The following GABRA4 variants were observed in gnomAD, a reference collection of about 807,000 sequenced individuals.
The protein encoded by GABRA4 is gamma-aminobutyric acid receptor subunit alpha-4.
A neutral mutation model predicts 49.7 loss-of-function variants in GABRA4; 12 were observed. The observed-to-expected ratio is 0.24, with a 90% CI of 0.15 to 0.39. The LOEUF (loss-of-function observed/expected upper bound fraction) is 0.39, where lower values mean the gene tolerates loss of function less well. GABRA4 is among the 10% of genes least tolerant of loss of function. GABRA4 has a pLI of 1.00. For synonymous variants in GABRA4, 288 were observed against 240.2 expected (o/e 1.20, Z -1.84); for missense variants, 506 against 686.0 (o/e 0.74, Z 2.93).
At chr4:46,961,611 A>G (rs1256379191) in intron 8 of GABRA4, among the ~76,000 whole-genome samples, 1 of 151,906 alleles carries the variant, frequency 6.6e-6, no homozygotes. Context: ...CAATTAATGA[A>G]TGAATAAGGG....
At position 46,918,971 on chromosome 4, in the gene GABRA4, T is replaced by C. The variant is rs1332142769; in HGVS notation, c.*9254A>G. On this transcript the variant is annotated 3_prime_UTR_variant, in exon 9 of 9. Coordinates refer to ENST00000264318, the MANE Select transcript of GABRA4 (RefSeq NM_000809.4). ...TACATTAGAGGGATATAATGTTTTA[T>C]ATTTTAATAATTCCAGAGTTTAGCT... The C allele has an allele frequency of 1.3e-5, 2 of 151,726 alleles. No homozygotes were observed. Among genetic ancestry groups the C allele is most frequent in the Admixed American group, 6.6e-5 (1 of 15,230 alleles). The allele number at this position is 151,726 out of a possible 1,614,324, so 9.4% of individuals were successfully genotyped here.
chr4:46,987,933 A>C (rs1723599409), intron 2 of GABRA4, among the ~76,000 whole-genome samples: 1 of 152,144 alleles, frequency 6.6e-6, no homozygotes, highest in Admixed American at 6.6e-5. Flanking sequence ...GGGTCCCCAG[A>C]GACCCTATGA....
chr4:46,976,704 T>C (rs1428831720), intron 5 of GABRA4, among the ~76,000 whole-genome samples: 2 of 151,540 alleles, frequency 1.3e-5, no homozygotes, highest in African/African-American at 4.8e-5. Context: ...AAGTGATATG[T>C]GTTATAATTA....
At chr4:46,969,121 A>C (rs1722862137) in intron 7 of GABRA4, among the ~76,000 whole-genome samples, 1 of 151,598 alleles carries the variant, frequency 6.6e-6, no homozygotes, top group African/African-American at 2.4e-5. Flanking sequence ...GAAGGTCCAC[A>C]GCTAATAAGT....
chr4:46,966,465 A>G (rs553060979), intron 7 of GABRA4, among the ~76,000 whole-genome samples: 1 of 151,910 alleles, frequency 6.6e-6, no homozygotes, highest in South Asian at 2.1e-4. Context: ...TGTCTCCTCA[A>G]TTCAGAATTT....
intron 2 of GABRA4, among the ~76,000 whole-genome samples, chr4:46,980,027 T>A (rs2109397227): frequency 6.6e-6 from 1 of 152,048 alleles, no homozygotes; most frequent in East Asian, 1.9e-4. Context: ...AGTTTGGAGT[T>A]CAAATTTGGT....
Position 46,965,137 on chromosome 4 carries a change from T to C in GABRA4, c.967A>G (p.Ile323Val). The C allele has an allele frequency of 6.2e-7, 1 of 1,612,132 alleles. No individual in the cohort carries two copies. The highest frequency in any genetic ancestry group is 8.5e-7 in the Non-Finnish European group (1 of 1,178,828). The change falls in exon 8 of 9, where the codon ATA becomes GTA. Residue 323 changes from isoleucine to valine, a missense_variant. Physicochemically the swap from Ile to Val is conservative, Grantham distance 29 (BLOSUM62 3). Around this residue, in one of 5 missense-constraint regions of GABRA4, gnomAD observed 33 missense variants for 102.5 expected, o/e 0.32. Transcript: ENST00000264318. ...VSYATAMDWFIAVCFAFVFSA... is the reference protein window; with the variant it reads ...VSYATAMDWFVAVCFAFVFSA... ...AATACAAAAGCAAAGCAGACAGCTATGAACCAGTCCATGGCGGTAGCATAG... is the reference window on the plus strand; with the variant it reads ...AATACAAAAGCAAAGCAGACAGCTACGAACCAGTCCATGGCGGTAGCATAG...
At position 46,921,782 on chromosome 4, in the gene GABRA4, T is replaced by C. The variant is rs373786918; in HGVS notation, c.*6443A>G. Reference sequence around the variant, plus strand: ...AAGACAGTCTCCAAAAATAACATAATGAAAAATTGAGAAAAAAAAATGAAA... The same window carrying C: ...AAGACAGTCTCCAAAAATAACATAACGAAAAATTGAGAAAAAAAAATGAAA... On this transcript the variant is annotated 3_prime_UTR_variant, in exon 9 of 9. Coordinates refer to ENST00000264318, the MANE Select transcript of GABRA4 (RefSeq NM_000809.4). 1 of 151,612 alleles carries C rather than the reference T, an allele frequency of 6.6e-6. No homozygotes were observed. The highest frequency in any genetic ancestry group is 1.5e-5 in the Non-Finnish European group (1 of 67,854). The allele number at this position is 151,612 out of a possible 1,614,324, so 9.4% of individuals were successfully genotyped here. A position where few individuals can be genotyped will look rare whatever the true frequency, so the allele number is the denominator to read the frequency against.
intron 8 of GABRA4, among the ~76,000 whole-genome samples, chr4:46,943,510 C>T (rs1560466329): frequency 6.6e-6 from 1 of 152,086 alleles, no homozygotes; most frequent in Non-Finnish European, 1.5e-5. Context: ...ATGTCAATTT[C>T]TTATTAAAAC....
chr4:46,984,279 C>CA (rs1723460112), intron 2 of GABRA4, among the ~76,000 whole-genome samples: 1 of 152,004 alleles, frequency 6.6e-6, no homozygotes, highest in Admixed American at 6.6e-5. Flanking sequence ...CATCATCTTA[C>CA]AAAATACTAG....
At chr4:46,979,858 C>T (rs934347552) in intron 2 of GABRA4, among the ~76,000 whole-genome samples, 5 of 152,008 alleles carry the variant, frequency 3.3e-5, no homozygotes, top group Non-Finnish European at 5.9e-5. Flanking sequence ...GACTGTTTCC[C>T]GTATCTAAAT....
chr4:46,979,010 T>A, intron 3 of GABRA4, 21 bp downstream of exon 3: 1 of 1,554,832 alleles, frequency 6.4e-7, no homozygotes, highest in African/African-American at 1.4e-5. Context: ...AAAAGGTACA[T>A]TAAACTTCGA....
intron 2 of GABRA4, among the ~76,000 whole-genome samples, chr4:46,984,611 A>G (rs1310457449): frequency 6.6e-6 from 1 of 152,094 alleles, no homozygotes; most frequent in Non-Finnish European, 1.5e-5. Flanking sequence ...AAATAAAAAT[A>G]AAATATGGGC....
chr4:46,949,403 T>TA (rs201321994), intron 8 of GABRA4, among the ~76,000 whole-genome samples: 4,487 of 152,188 alleles, frequency 0.029, 79 homozygotes, highest in Middle Eastern at 0.12. Context: ...TTAGGGTGAT[T>TA]ACCTAATCTA....
chr4:46,971,286 T>G lies in GABRA4; in HGVS notation c.722-51A>C, dbSNP rs765425460. On this transcript the variant is annotated intron_variant, in intron 6 of 8. Coordinates refer to ENST00000264318, the MANE Select transcript of GABRA4 (RefSeq NM_000809.4). ...TGTTATCGGTTCTGCAGGCAATTAG[T>G]CAATGGCTTCATAAACATATTTCAG... 8 of 1,511,946 alleles carry G rather than the reference T, an allele frequency of 5.3e-6. No homozygotes were observed. In the African/African-American group the frequency reaches 1.1e-4, roughly 21 times the overall value. 93.7% of individuals were successfully genotyped at this position (1,511,946 alleles called of 1,614,324 possible). A position where few individuals can be genotyped will look rare whatever the true frequency, so the allele number is the denominator to read the frequency against.
intron 3 of GABRA4, 32 bp downstream of exon 3, chr4:46,978,999 C>G: frequency 7.0e-7 from 1 of 1,437,102 alleles, no homozygotes; most frequent in Non-Finnish European, 9.8e-7. Flanking sequence ...CTTCAAGTCT[C>G]AAAAGGTACA....
intron 8 of GABRA4, among the ~76,000 whole-genome samples, chr4:46,962,170 G>C (rs1722599069): frequency 6.6e-6 from 1 of 151,692 alleles, no homozygotes; most frequent in Non-Finnish European, 1.5e-5. Context: ...CTGCCCCATG[G>C]GGTAGTTCTA....
intron 8 of GABRA4, among the ~76,000 whole-genome samples, chr4:46,930,894 A>T (rs761200792): frequency 6.6e-6 from 1 of 151,816 alleles, no homozygotes; most frequent in African/African-American, 2.4e-5. Context: ...AACCATAATC[A>T]CCGAGAGGGA....
intron 2 of GABRA4, among the ~76,000 whole-genome samples, chr4:46,989,867 A>G (rs1337283326): frequency 6.6e-6 from 1 of 152,218 alleles, no homozygotes; most frequent in Admixed American, 6.5e-5. Flanking sequence ...TAAAATACCA[A>G]ACTTTCCACA....
Sources: gnomAD v4.1 joint callset for allele counts (sites outside exome capture counted in the v4.1 genomes callset) on GRCh38, gnomAD v4.1.1 for gene constraint, gnomAD v4.1.1 regional missense constraint, MANE v1.5 for transcripts, NCBI Gene and HGNC (gene_info 2026-07-23, HGNC 2026-07-21) for gene names.